Variants in GNAT3 observed in about 807,000 individuals in gnomAD.
GNAT3 encodes G protein subunit alpha transducin 3, also known as guanine nucleotide-binding protein G(t) subunit alpha-3.
GNAT3 carries 31 observed loss-of-function variants against 37.7 expected under a neutral mutation model. The ratio of observed to expected loss-of-function variants is 0.82; its 90% CI spans 0.62 to 1.11. GNAT3 has a LOEUF of 1.11. GNAT3 is among the 50% of genes most tolerant of loss of function. The probability of loss-of-function intolerance (pLI) is 0.00; values close to 1 mark genes in which losing one functional copy is unlikely to be tolerated. For synonymous variants in GNAT3, 138 were observed against 139.8 expected, an observed-to-expected ratio of 0.99 and a Z score of 0.09; for missense variants, 437 against 412.5, an observed-to-expected ratio of 1.06 and a Z score of -0.51.
At chr7:80,499,447 T>A (rs1170025199) in intron 1 of GNAT3, among the ~76,000 whole-genome samples, 1 of 152,038 alleles carries the variant, frequency 6.6e-6, no homozygotes, top group Non-Finnish European at 1.5e-5. Context: ...TGCAGTAGCA[T>A]GATCATGACT....
intron 1 of GNAT3, among the ~76,000 whole-genome samples, chr7:80,505,923 GC>G: frequency 6.6e-6 from 1 of 152,182 alleles, no homozygotes; most frequent in Admixed American, 6.5e-5. Flanking sequence ...GAAAGCAATG[GC>G]AAAAACTGCA....
At chr7:80,489,548 C>A (rs929154131) in intron 2 of GNAT3, among the ~76,000 whole-genome samples, 2 of 152,066 alleles carry the variant, frequency 1.3e-5, no homozygotes, top group Non-Finnish European at 2.9e-5. Flanking sequence ...AGCATAAACA[C>A]CTCTTTAATG....
chr7:80,488,416 T>A lies in GNAT3; in HGVS notation c.303+119A>T, dbSNP rs1355973202. ...CAAAACAGAATTAATGTTTCAAAAT[T>A]CATGTTTCATATTTTTAAATTTTGG... is the stretch of plus-strand genomic sequence containing the variant. On this transcript the variant is annotated intron_variant, in intron 3 of 7. Coordinates refer to ENST00000398291, the MANE Select transcript of GNAT3 (RefSeq NM_001102386.3). The A allele has an allele frequency of 8.0e-6, 6 of 749,658 alleles. No individual in the cohort carries two copies. In the East Asian group the frequency reaches 1.6e-4, roughly 21 times the overall value. 46.4% of individuals were successfully genotyped at this position (749,658 alleles called of 1,614,324 possible).
intron 1 of GNAT3, among the ~76,000 whole-genome samples, chr7:80,508,541 T>A (rs1186826922): frequency 1.3e-5 from 2 of 152,060 alleles, no homozygotes; most frequent in Non-Finnish European, 2.9e-5. Flanking sequence ...TGCAAGTAAA[T>A]TTTTTAAAGC....
At chr7:80,482,712 T>C (rs1027508960) in intron 3 of GNAT3, among the ~76,000 whole-genome samples, 3 of 122,398 alleles carry the variant, frequency 2.5e-5, no homozygotes, top group African/African-American at 8.9e-5. Context: ...TTTTTTTTTT[T>C]AGTAGGGTCG....
chr7:80,506,738 A>AAG (rs1790949672), intron 1 of GNAT3, among the ~76,000 whole-genome samples: 3 of 152,110 alleles, frequency 2.0e-5, no homozygotes, highest in Non-Finnish European at 4.4e-5. Context: ...AAAATAAATA[A>AAG]TTTGTTTATT....
At chr7:80,462,024 C>T in intron 7 of GNAT3, 135 bp downstream of exon 7, 10 of 613,332 alleles carry the variant, frequency 1.6e-5, no homozygotes, top group South Asian at 4.8e-5. Context: ...ATTTTTTTTC[C>T]AGTTTGGATC....
chr7:80,473,446 G>GCCA (rs1376628755), intron 5 of GNAT3, among the ~76,000 whole-genome samples: 1 of 151,874 alleles, frequency 6.6e-6, no homozygotes, highest in Non-Finnish European at 1.5e-5. Context: ...AATAATTCAT[G>GCCA]CCACTCTATC....
chr7:80,510,161 C>T (rs2116239275), intron 1 of GNAT3, among the ~76,000 whole-genome samples: 1 of 152,226 alleles, frequency 6.6e-6, no homozygotes. Context: ...CCCCTAGAAA[C>T]CACCTTTCTA....
chr7:80,468,259 C>T (rs1052659456), intron 5 of GNAT3, among the ~76,000 whole-genome samples: 1 of 151,578 alleles, frequency 6.6e-6, no homozygotes, highest in South Asian at 2.1e-4. Context: ...TATTGGATCA[C>T]ATGAGATTAT....
chr7:80,474,483 A>G (rs1008334958), intron 4 of GNAT3, 104 bp from the exon 5 acceptor site: 4 of 415,994 alleles, frequency 9.6e-6, no homozygotes, highest in African/African-American at 8.3e-5. Flanking sequence ...GTGTGTATAT[A>G]TATATATTTT....
At chr7:80,499,578 G>C (rs1291163886) in intron 1 of GNAT3, among the ~76,000 whole-genome samples, 1 of 152,100 alleles carries the variant, frequency 6.6e-6, no homozygotes, top group African/African-American at 2.4e-5. Flanking sequence ...GAGGCATACT[G>C]GTATTGCTGT....
At chr7:80,492,868 A>G (rs950167544) in intron 2 of GNAT3, among the ~76,000 whole-genome samples, 28 of 151,784 alleles carry the variant, frequency 1.8e-4, no homozygotes, top group Non-Finnish European at 3.7e-4. Flanking sequence ...TACTACAATG[A>G]AAAATTACCT....
In GNAT3 at chr7:80,465,645, G is replaced by A. The variant is rs558703249; in HGVS notation, c.591-3014C>T. Among the ~76,000 whole-genome samples, 103 of 152,220 alleles carry A rather than the reference G, an allele frequency of 6.8e-4. 1 individual carries two copies. Among genetic ancestry groups the A allele is most frequent in the African/African-American group, 2.3e-3 (96 of 41,548 alleles). On this transcript the variant is annotated intron_variant, in intron 5 of 7. Coordinates refer to ENST00000398291, the MANE Select transcript of GNAT3 (RefSeq NM_001102386.3). ...AGGTGCACAACTAGTACTAGTGCCT[G>A]CAGTTGGCTCTCAAACCTTCACTAG...
In GNAT3 at chr7:80,458,821, G is replaced by T. The variant is rs1789998283; in HGVS notation, c.915C>A (p.Asn305Lys). ...TFEDAGNYIK[N>K]QFLDLNLKKE... ...TTTTTAAATTCAGGTCTAGAAACTGGTTCTTGATGTAGTTTCCTGCATCTT... is the reference window on the plus strand; with the variant it reads ...TTTTTAAATTCAGGTCTAGAAACTGTTTCTTGATGTAGTTTCCTGCATCTT... The change falls in exon 8 of 8, where the codon AAC becomes AAA. Residue 305 changes from asparagine (N) to lysine (K), a missense_variant. Transcript: ENST00000398291. 6.3e-7 allele frequency: 1 copy of T among 1,592,706 alleles called. No homozygotes were observed. Among genetic ancestry groups the T allele is most frequent in the Non-Finnish European group, 8.5e-7 (1 of 1,170,850 alleles).
At chr7:80,467,880 GTTACATGGAAC>G (rs1316008087) in intron 5 of GNAT3, among the ~76,000 whole-genome samples, 1 of 151,806 alleles carries the variant, frequency 6.6e-6, no homozygotes, top group Non-Finnish European at 1.5e-5. Flanking sequence ...CTTCCACGAT[GTTACATGGAAC>G]TTACAGTCCT....
At chr7:80,501,303 C>A (rs1271214130) in intron 1 of GNAT3, among the ~76,000 whole-genome samples, 1 of 151,848 alleles carries the variant, frequency 6.6e-6, no homozygotes, top group East Asian at 1.9e-4. Flanking sequence ...GTCCTGTTTG[C>A]TTTCTTTCTC....
chr7:80,474,824 G>A lies in GNAT3; in HGVS notation c.462-445C>T, dbSNP rs1278018555. On this transcript the variant is annotated intron_variant, in intron 4 of 7. Coordinates refer to ENST00000398291, the MANE Select transcript of GNAT3 (RefSeq NM_001102386.3). ...ACAAAACTAAAAGTTGCCTTATAGTGGTAGTGGCTAGATTATCCTCGAAAT... is the reference window on the plus strand; with the variant it reads ...ACAAAACTAAAAGTTGCCTTATAGTAGTAGTGGCTAGATTATCCTCGAAAT... Among the ~76,000 whole-genome samples the A allele has an allele frequency of 2.0e-5, 3 of 152,084 alleles. No individual in the cohort carries two copies. The East Asian group carries it at 5.8e-4, about 29-fold the overall frequency.
intron 5 of GNAT3, among the ~76,000 whole-genome samples, chr7:80,467,526 T>C (rs1354745783): frequency 3.9e-5 from 6 of 152,102 alleles, no homozygotes; most frequent in Non-Finnish European, 5.9e-5. Flanking sequence ...TTGTAGTCAT[T>C]TATTTTTCAT....
Sources: gnomAD v4.1 joint callset for allele counts (sites outside exome capture counted in the v4.1 genomes callset) on GRCh38, gnomAD v4.1.1 for gene constraint, MANE v1.5 for transcripts, NCBI Gene and HGNC (gene_info 2026-07-23, HGNC 2026-07-21) for gene names.